Variants in GOLPH3 observed in about 807,000 individuals in gnomAD.
GOLPH3 encodes golgi phosphoprotein 3, also known as coat protein GPP34.
Under a neutral mutation model 28.5 loss-of-function variants are expected in GOLPH3, and 14 were observed. The observed-to-expected ratio is 0.49, with a 90% CI of 0.32 to 0.77. The LOEUF is 0.77. Ranked by LOEUF, GOLPH3 falls within the 30% of genes least tolerant of loss-of-function variation. The pLI is 0.03. For synonymous variants in GOLPH3, 158 were observed against 159.2 expected, an observed-to-expected ratio of 0.99 and a Z score of 0.06; for missense variants, 350 against 393.7, an observed-to-expected ratio of 0.89 and a Z score of 0.94.
chr5:32,165,406 A>C (rs1455169586), intron 1 of GOLPH3, among the ~76,000 whole-genome samples: 1 of 152,134 alleles, frequency 6.6e-6, no homozygotes, highest in Non-Finnish European at 1.5e-5. Flanking sequence ...AACATGGCGA[A>C]ACCTTGTCTC....
At chr5:32,142,733 G>A (rs1316121015) in intron 2 of GOLPH3, among the ~76,000 whole-genome samples, 11 of 146,424 alleles carry the variant, frequency 7.5e-5, no homozygotes, top group African/African-American at 1.8e-4. Context: ...CAGCCGCCCC[G>A]TCCGGGAGGT....
At chr5:32,130,076 C>T (rs1366703900) in intron 3 of GOLPH3, among the ~76,000 whole-genome samples, 2 of 152,294 alleles carry the variant, frequency 1.3e-5, no homozygotes, top group South Asian at 2.1e-4. Flanking sequence ...CTCCTGACAT[C>T]GTGATCCACC....
chr5:32,156,265 AGGTGGGCGGATCGCC>A, intron 1 of GOLPH3, among the ~76,000 whole-genome samples: 4 of 152,112 alleles, frequency 2.6e-5, no homozygotes, highest in Non-Finnish European at 5.9e-5. Flanking sequence ...TGGGAGGCTG[AGGTGGGCGGATCGCC>A]TGAGGTCAGG....
At position 32,173,859 on chromosome 5, in the gene GOLPH3, C is replaced by T. The variant is rs1444170367; in HGVS notation, c.176G>A (p.Arg59Gln). The change falls in exon 1 of 4, where the codon CGG (arginine) becomes CAG (glutamine). Residue 59 changes from arginine to glutamine, a missense_variant. Physicochemically the swap from Arg to Gln is conservative, Grantham distance 43. Transcript: ENST00000265070. ...GAGCACTTCCTCCATCAGGGTCAGC[C>T]GCGTTTCCTTGGAGTCGCCCTTGTC... Reference protein sequence around the residue: ...DDDKGDSKETRLTLMEEVLLL... With the variant: ...DDDKGDSKETQLTLMEEVLLL... 2.9e-5 allele frequency: 45 copies of T among 1,525,604 alleles called. No homozygotes were observed. Among genetic ancestry groups the T allele is most frequent in the Non-Finnish European group, 3.8e-5 (43 of 1,139,252 alleles). 94.5% of individuals were successfully genotyped at this position (1,525,604 alleles called of 1,614,324 possible).
In GOLPH3 at chr5:32,167,791, A is replaced by T. The variant is rs572184408; in HGVS notation, c.225+6019T>A. On this transcript the variant is annotated intron_variant, in intron 1 of 3. Coordinates refer to ENST00000265070, the MANE Select transcript of GOLPH3 (RefSeq NM_022130.4). ...TGAGACCACGTCTCTACAAAAAAAA[A>T]TTTTTTTTTTTAATTAGCTGGGCAT... is the stretch of plus-strand genomic sequence containing the variant. Among the ~76,000 whole-genome samples, 26 of 149,858 alleles carry T rather than the reference A, an allele frequency of 1.7e-4. No homozygotes were observed. The South Asian group carries it at 2.3e-3, about 13-fold the overall frequency.
chr5:32,135,508 A>G, intron 3 of GOLPH3, 64 bp downstream of exon 3: 2 of 1,009,900 alleles, frequency 2.0e-6, no homozygotes, highest in Non-Finnish European at 1.5e-6. Flanking sequence ...TTCCTTTCAA[A>G]AGGATTTAAA....
chr5:32,160,656 T>G (rs1180176766), intron 1 of GOLPH3, among the ~76,000 whole-genome samples: 1 of 152,060 alleles, frequency 6.6e-6, no homozygotes, highest in Non-Finnish European at 1.5e-5. Flanking sequence ...AACTAAGAAG[T>G]TAGATTAAGG....
At chr5:32,137,366 A>C (rs1745959586) in intron 2 of GOLPH3, among the ~76,000 whole-genome samples, 1 of 151,896 alleles carries the variant, frequency 6.6e-6, no homozygotes, top group Non-Finnish European at 1.5e-5. Flanking sequence ...TTTTAAAAAA[A>C]GCTACACTGA....
intron 1 of GOLPH3, among the ~76,000 whole-genome samples, chr5:32,161,589 G>A (rs1269218994): frequency 6.6e-6 from 1 of 151,264 alleles, no homozygotes; most frequent in Non-Finnish European, 1.5e-5. Flanking sequence ...CACTTTACAT[G>A]TGCTATTTTA....
At chr5:32,155,956 C>CAAAAAAAAAAAAAAAAAAAAA (rs70961608) in intron 1 of GOLPH3, among the ~76,000 whole-genome samples, 2 of 47,818 alleles carry the variant, frequency 4.2e-5, no homozygotes, top group African/African-American at 5.5e-5. Flanking sequence ...AACACTGTCT[C>CAAAAAAAAAAAAAAAAAAAAA]AAAAAAAAAA....
At chr5:32,144,420 G>A (rs910417235) in intron 1 of GOLPH3, among the ~76,000 whole-genome samples, 4 of 152,166 alleles carry the variant, frequency 2.6e-5, no homozygotes, top group Non-Finnish European at 4.4e-5. Flanking sequence ...GTGAGATCCT[G>A]TTTCTACCAA....
intron 3 of GOLPH3, among the ~76,000 whole-genome samples, chr5:32,135,334 TAAAG>T (rs1443542788): frequency 2.0e-5 from 3 of 152,336 alleles, no homozygotes; most frequent in African/African-American, 7.2e-5. Context: ...GTAATTTTGA[TAAAG>T]AACATGGGAG....
intron 3 of GOLPH3, among the ~76,000 whole-genome samples, chr5:32,132,259 T>C (rs1190963667): frequency 6.6e-6 from 1 of 152,218 alleles, no homozygotes; most frequent in East Asian, 1.9e-4. Flanking sequence ...TCAAGAGTTT[T>C]AACATGTATA....
rs1262324219 is a variant in GOLPH3 at position 32,151,231 on chromosome 5, T to C, written c.226-7351A>G. 2.0e-5 allele frequency among the ~76,000 whole-genome samples: 3 copies of C among 152,100 alleles called. No homozygotes were observed. The East Asian group carries it at 5.8e-4, about 29-fold the overall frequency. On this transcript the variant is annotated intron_variant, in intron 1 of 3. Transcript: ENST00000265070. ...AAAATAAAGTTGCTTTTTTTTTTTTTTTTAATATTTTGAGGCCAGGCACAG... is the reference window on the plus strand; with the variant it reads ...AAAATAAAGTTGCTTTTTTTTTTTTCTTTAATATTTTGAGGCCAGGCACAG...
intron 2 of GOLPH3, 25 bp downstream of exon 2, chr5:32,143,723 AG>A: frequency 1.3e-6 from 2 of 1,583,784 alleles, no homozygotes; most frequent in Non-Finnish European, 1.7e-6. Flanking sequence ...CTCTTTAAAA[AG>A]AATGTTACTC....
chr5:32,168,758 T>A (rs570804759), intron 1 of GOLPH3, among the ~76,000 whole-genome samples: 1 of 152,190 alleles, frequency 6.6e-6, no homozygotes, highest in South Asian at 2.1e-4. Context: ...AGAAAACATA[T>A]GATTGGACAA....
rs1162099588 is a variant in GOLPH3, at chr5:32,125,951, C to T, written c.*261G>A. The T allele has an allele frequency of 2.6e-6, 1 of 384,254 alleles. No individual in the cohort carries two copies. Among genetic ancestry groups the T allele is most frequent in the Non-Finnish European group, 4.7e-6 (1 of 214,412 alleles). The allele number at this position is 384,254 out of a possible 1,614,324, so 23.8% of individuals were successfully genotyped here. A position where few individuals can be genotyped will look rare whatever the true frequency, so the allele number is the denominator to read the frequency against. ...TGAAAGTCAAAGTAGACCAGAAACC[C>T]AAAACAGGTAACAGTGAGGATGGCA... On this transcript the variant is annotated 3_prime_UTR_variant, in exon 4 of 4. Coordinates refer to ENST00000265070, the MANE Select transcript of GOLPH3 (RefSeq NM_022130.4).
At position 32,146,915 on chromosome 5, in the gene GOLPH3, C is replaced by CAA. The variant is rs534342230; in HGVS notation, c.226-3037_226-3036dup. Reference sequence around the variant, plus strand: ...ATGACAGCTGATGAGCTAAAGAAAACAAAAAAAAAAACCTCATGTTTTAAC... The same window carrying CAA: ...ATGACAGCTGATGAGCTAAAGAAAACAAAAAAAAAAAAACCTCATGTTTTAAC... On this transcript the variant is annotated intron_variant, in intron 1 of 3. Coordinates refer to ENST00000265070, the MANE Select transcript of GOLPH3 (RefSeq NM_022130.4). Among the ~76,000 whole-genome samples the CAA allele has an allele frequency of 3.8e-3, 545 of 143,030 alleles. 2 individuals carry two copies. The highest frequency in any genetic ancestry group is 0.013 in the African/African-American group (514 of 38,956). 93.8% of individuals were successfully genotyped at this position (143,030 alleles called of 152,430 possible).
intron 2 of GOLPH3, among the ~76,000 whole-genome samples, chr5:32,136,465 G>C (rs1395410483): frequency 6.9e-6 from 1 of 145,924 alleles, no homozygotes; most frequent in Non-Finnish European, 1.5e-5. Context: ...TGGGCAACAA[G>C]AGCAAAACTC....
Sources: allele counts gnomAD v4.1 joint callset (sites outside exome capture counted in the v4.1 genomes callset), GRCh38; gene constraint gnomAD v4.1.1; transcripts MANE v1.5; gene names NCBI Gene and HGNC (gene_info 2026-07-23, HGNC 2026-07-21).